Variants in ZFPM1 observed in about 807,000 individuals in gnomAD.
ZFPM1 encodes zinc finger protein ZFPM1.
In ZFPM1, 28 loss-of-function variants were observed where a neutral mutation model predicts 46.3. That is an observed-to-expected ratio of 0.60 (90% CI 0.45 to 0.83). ZFPM1 has a LOEUF of 0.83. Ranked by LOEUF, ZFPM1 falls within the 40% of genes least tolerant of loss-of-function variation. ZFPM1 has a pLI of 0.00. For missense variants in ZFPM1, 1,878 were observed against 1,432.4 expected, an observed-to-expected ratio of 1.31 and a Z score of -5.02; for synonymous variants, 957 against 675.9, an observed-to-expected ratio of 1.42 and a Z score of -6.45.
intron 1 of ZFPM1, among the ~76,000 whole-genome samples, chr16:88,461,252 C>A (rs1386407156): frequency 1.2e-4 from 7 of 59,898 alleles, no homozygotes; most frequent in South Asian, 6.1e-4. Flanking sequence ...GGGCGGGAGG[C>A]CCTGGTGAGG....
intron 4 of ZFPM1, among the ~76,000 whole-genome samples, chr16:88,526,400 C>G (rs540958144): frequency 3.3e-5 from 5 of 152,328 alleles, no homozygotes; most frequent in African/African-American, 1.2e-4. Flanking sequence ...GTGGGAACAG[C>G]GGTTTCACAC....
In ZFPM1 at chr16:88,489,116, C is replaced by A. The variant is rs1210691147; in HGVS notation, c.231C>A (p.Pro77=). The A allele has an allele frequency of 6.8e-6, 11 of 1,611,684 alleles. No homozygotes were observed. Among genetic ancestry groups the A allele is most frequent in the Non-Finnish European group, 8.5e-6 (10 of 1,179,234 alleles). The change falls in exon 3 of 10, where the codon CCC becomes CCA. Residue 77 remains proline (P), a synonymous_variant. Coordinates refer to ENST00000319555, the MANE Select transcript of ZFPM1 (RefSeq NM_153813.3). ...ELEGQEPEPR[P]TEEEPGSPWS... ...AAGGACAGGAACCAGAACCCAGGCC[C>A]ACGGAGGAAGAGCCGGGCAGTCCCT...
At position 88,528,038 on chromosome 16, in the gene ZFPM1, C is replaced by T; in HGVS notation, c.512C>T (p.Ala171Val). 1 of 1,542,562 alleles carries T rather than the reference C, an allele frequency of 6.5e-7. No individual in the cohort carries two copies. The highest frequency in any genetic ancestry group is 8.8e-7 in the Non-Finnish European group (1 of 1,140,602). ...ANTEIHRKDD[A>V]LWCRVTKPVP... is the part of the protein sequence containing the mutation. Reference sequence around the variant, plus strand: ...GACACCTGTCTCCCTCCAGATGACGCACTCTGGTGCAGGGTCACCAAGCCG... The same window carrying T: ...GACACCTGTCTCCCTCCAGATGACGTACTCTGGTGCAGGGTCACCAAGCCG... The change falls in exon 6 of 10, where the codon GCA (alanine) becomes GTA (valine). Residue 171 changes from alanine (A) to valine (V), a missense_variant. Physicochemically the swap from Ala to Val is moderately conservative, Grantham distance 64. Transcript: ENST00000319555.
chr16:88,461,307 G>C (rs1907880511), intron 1 of ZFPM1, among the ~76,000 whole-genome samples: 1 of 151,754 alleles, frequency 6.6e-6, no homozygotes. Flanking sequence ...GCTTGCTGGG[G>C]AGTCCCCAGG....
intron 3 of ZFPM1, among the ~76,000 whole-genome samples, chr16:88,491,909 G>A (rs998478379): frequency 6.6e-5 from 10 of 152,174 alleles, no homozygotes; most frequent in Non-Finnish European, 8.8e-5. Flanking sequence ...CTCTCGGGGC[G>A]GCCCGTGCGT....
upstream of ZFPM1, among the ~76,000 whole-genome samples, chr16:88,453,137 CG>C (rs1907353879): frequency 7.9e-6 from 1 of 127,154 alleles, no homozygotes; most frequent in Non-Finnish European, 1.6e-5. Context: ...GCCGGGCTGG[CG>C]GGGGCGTGGC....
chr16:88,508,951 C>A (rs949824166), intron 3 of ZFPM1, among the ~76,000 whole-genome samples: 1 of 152,222 alleles, frequency 6.6e-6, no homozygotes, highest in Non-Finnish European at 1.5e-5. Context: ...CGAATCCGCA[C>A]GCGGCGCGTC....
In ZFPM1 at chr16:88,532,045, C is replaced by G. The variant is rs367558844; in HGVS notation, c.756C>G (p.Ser252Arg). The G allele has an allele frequency of 3.1e-6, 5 of 1,611,882 alleles. No individual in the cohort carries two copies. In the South Asian group the frequency reaches 4.4e-5, roughly 14 times the overall value. Residue 252 changes from serine to arginine, a missense_variant, in exon 7 of 10, where the codon AGC (serine) becomes AGG (arginine). By Grantham distance (110) the Ser-to-Arg change is moderately radical. Transcript: ENST00000319555. ...AGGACTGTGGCATCTGGTACCGCAG[C>G]GAGCGCAACCTGCAGGCGCACCTGC... ...PCKDCGIWYR[S>R]ERNLQAHLLY... is the part of the protein sequence containing the mutation.
chr16:88,528,741 T>C (rs1240622036), intron 6 of ZFPM1, among the ~76,000 whole-genome samples: 1 of 45,820 alleles, frequency 2.2e-5, no homozygotes, highest in African/African-American at 3.8e-5. Flanking sequence ...GTTGGGTTTT[T>C]GTTGTTTTTT....
rs888660022 is a variant in ZFPM1 at position 88,534,442 on chromosome 16, C to G, written c.2484C>G (p.Ser828Arg). The change falls in exon 10 of 10, where the codon AGC becomes AGG. Residue 828 changes from serine to arginine, a missense_variant. Physicochemically the swap from Ser to Arg is moderately radical, Grantham distance 110. Coordinates refer to ENST00000319555, the MANE Select transcript of ZFPM1 (RefSeq NM_153813.3). ...ECTACRVSFH[S>R]LEAYLAHKKY... is the part of the protein sequence containing the mutation. ...CGGCCTGCCGCGTGAGCTTCCACAG[C>G]CTCGAGGCCTACCTGGCGCACAAGA... 2 of 1,497,860 alleles carry G rather than the reference C, an allele frequency of 1.3e-6. No homozygotes were observed. Among genetic ancestry groups the G allele is most frequent in the Non-Finnish European group, 1.8e-6 (2 of 1,130,766 alleles). The allele number at this position is 1,497,860 out of a possible 1,614,324, so 92.8% of individuals were successfully genotyped here. A position where few individuals can be genotyped will look rare whatever the true frequency, so the allele number is the denominator to read the frequency against.
chr16:88,460,783 C>T (rs905022145), intron 1 of ZFPM1, among the ~76,000 whole-genome samples: 4 of 152,220 alleles, frequency 2.6e-5, no homozygotes, highest in African/African-American at 4.8e-5. Flanking sequence ...CCTGGTCCCG[C>T]GTCAGGAAGA....
chr16:88,488,407 G>C (rs1273195766), intron 2 of ZFPM1, among the ~76,000 whole-genome samples: 1 of 152,266 alleles, frequency 6.6e-6, no homozygotes, highest in Non-Finnish European at 1.5e-5. Context: ...GGAGCTGTCT[G>C]CCGCTTGGCG....
intron 3 of ZFPM1, among the ~76,000 whole-genome samples, chr16:88,505,266 C>T (rs1232452454): frequency 1.3e-5 from 2 of 152,190 alleles, no homozygotes; most frequent in African/African-American, 4.8e-5. Flanking sequence ...CCTTACTGCC[C>T]GTTTGTGGAA....
chr16:88,503,046 G>A (rs907912712), intron 3 of ZFPM1, among the ~76,000 whole-genome samples: 2 of 152,264 alleles, frequency 1.3e-5, no homozygotes, highest in South Asian at 2.1e-4. Context: ...TGGCAGGGGC[G>A]CTGCTCCGCG....
intron 1 of ZFPM1, among the ~76,000 whole-genome samples, chr16:88,472,225 G>C (rs1215891149): frequency 6.9e-6 from 1 of 144,452 alleles, no homozygotes; most frequent in African/African-American, 2.9e-5. Context: ...TGCCCACAGG[G>C]TGGGGCACAC....
chr16:88,460,788 G>C (rs1363171493), intron 1 of ZFPM1, among the ~76,000 whole-genome samples: 1 of 152,226 alleles, frequency 6.6e-6, no homozygotes, highest in African/African-American at 2.4e-5. Flanking sequence ...TCCCGCGTCA[G>C]GAAGAGGACC....
At chr16:88,505,920 C>A (rs1202947477) in intron 3 of ZFPM1, among the ~76,000 whole-genome samples, 1 of 152,124 alleles carries the variant, frequency 6.6e-6, no homozygotes, top group Non-Finnish European at 1.5e-5. Context: ...AGGACAGGCA[C>A]CCCCCGCACC....
intron 3 of ZFPM1, among the ~76,000 whole-genome samples, chr16:88,501,121 A>T (rs796948874): frequency 0.022 from 2,501 of 113,310 alleles, 36 homozygotes; most frequent in Middle Eastern, 0.055. Flanking sequence ...GAGATAGCAG[A>T]CATGGATGCG....
At chr16:88,478,387 C>G (rs116268816) in intron 1 of ZFPM1, among the ~76,000 whole-genome samples, 267 of 152,370 alleles carry the variant, frequency 1.8e-3, no homozygotes, top group African/African-American at 6.2e-3. Flanking sequence ...GCAGGGCACT[C>G]TTCCCGCCTG....
Sources: allele counts gnomAD v4.1 joint callset (sites outside exome capture counted in the v4.1 genomes callset), GRCh38; gene constraint gnomAD v4.1.1; transcripts MANE v1.5; gene names NCBI Gene and HGNC (gene_info 2026-07-23, HGNC 2026-07-21).